Variants in PRSS36 observed in about 807,000 individuals in gnomAD.
The protein encoded by PRSS36 is serine protease 36.
A neutral mutation model predicts 94.3 loss-of-function variants in PRSS36; 90 were observed. The observed-to-expected ratio is 0.95, with a 90% confidence interval of 0.80 to 1.14. The LOEUF is 1.14. PRSS36 is among the 50% of genes most tolerant of loss of function. PRSS36 has a pLI of 0.00. For missense variants in PRSS36, 1,158 were observed against 1,135.0 expected, an observed-to-expected ratio of 1.02 and a Z score of -0.29; for synonymous variants, 500 against 489.6, an observed-to-expected ratio of 1.02 and a Z score of -0.28.
chr16:31,140,818 A>C lies in PRSS36; in HGVS notation c.1902-61T>G, dbSNP rs528413511. 3.8e-6 allele frequency: 6 copies of C among 1,572,014 alleles called. No individual in the cohort carries two copies. The South Asian group carries it at 5.7e-5, about 15-fold the overall frequency. ...TCCCATTGCTGGCAAAGTCCTTCCC[A>C]GCCCAGGGGAAGGATGACTCTCTGG... On this transcript the variant is annotated intron_variant, in intron 12 of 14. Coordinates refer to ENST00000268281, the MANE Select transcript of PRSS36 (RefSeq NM_173502.5).
chr16:31,147,115 C>T (rs566724683), intron 5 of PRSS36, among the ~76,000 whole-genome samples: 2 of 152,144 alleles, frequency 1.3e-5, no homozygotes, highest in South Asian at 4.1e-4. Flanking sequence ...GTGCTCTGGC[C>T]CTCAGTCTGA....
chr16:31,146,158 C>T (rs773594849), intron 5 of PRSS36, among the ~76,000 whole-genome samples: 21 of 152,246 alleles, frequency 1.4e-4, no homozygotes, highest in Non-Finnish European at 2.8e-4. Flanking sequence ...CATCAAGCTC[C>T]TAGTGAGAGC....
At chr16:31,148,839 G>T (rs896878378) in intron 4 of PRSS36, 164 bp from the exon 5 acceptor site, 23 of 1,008,550 alleles carry the variant, frequency 2.3e-5, no homozygotes, top group Non-Finnish European at 3.0e-5. Context: ...AGCTGGTGGT[G>T]GGGGGGTCAT....
chr16:31,146,968 G>A (rs1272599547), intron 5 of PRSS36, among the ~76,000 whole-genome samples: 3 of 152,096 alleles, frequency 2.0e-5, no homozygotes, highest in Non-Finnish European at 2.9e-5. Context: ...GGCAACAAGA[G>A]TGAAACTCTG....
chr16:31,148,510 G>A lies in PRSS36; in HGVS notation c.438C>T (p.Ala146=). The part of the protein sequence containing the change: ...LGADLALLRL[A]SPASLGPAVW... ...CGGCGGGGCCCAGGCTGGCGGGTGA[G>A]GCCAGGCGCAGCAGGGCCAGGTCGG... Residue 146 remains alanine, a synonymous_variant, in exon 5 of 15, where the codon GCC becomes GCT. Coordinates refer to ENST00000268281, the MANE Select transcript of PRSS36 (RefSeq NM_173502.5). 1 of 1,582,636 alleles carries A rather than the reference G, an allele frequency of 6.3e-7. No homozygotes were observed. The highest frequency in any genetic ancestry group is 8.6e-7 in the Non-Finnish European group (1 of 1,169,182).
intron 7 of PRSS36, 48 bp from the exon 8 acceptor site, chr16:31,143,519 C>T: frequency 6.2e-7 from 1 of 1,606,916 alleles, no homozygotes; most frequent in African/African-American, 1.3e-5. Context: ...AACCCAATCA[C>T]TCCCAGCAGT....
chr16:31,148,774 C>T (rs1182634058), intron 4 of PRSS36, 99 bp from the exon 5 acceptor site: 1 of 1,496,602 alleles, frequency 6.7e-7, no homozygotes, highest in Non-Finnish European at 9.1e-7. Context: ...CAGGTGCTAT[C>T]CGATCCAGAT....
intron 14 of PRSS36, 126 bp downstream of exon 14, chr16:31,140,168 G>A (rs1215112087): frequency 2.0e-6 from 2 of 1,016,048 alleles, no homozygotes; most frequent in Non-Finnish European, 2.7e-6. Flanking sequence ...TCCAGCTGGG[G>A]GACAGAGTGA....
chr16:31,148,806 G>A (rs2057844871), intron 4 of PRSS36, 131 bp from the exon 5 acceptor site: 2 of 1,280,186 alleles, frequency 1.6e-6, no homozygotes, highest in Non-Finnish European at 2.2e-6. Context: ...ACTCCTCAAA[G>A]GGGAAGAGCA....
At chr16:31,142,374 C>G in intron 10 of PRSS36, 107 bp downstream of exon 10, 7 of 1,273,006 alleles carry the variant, frequency 5.5e-6, no homozygotes, top group Non-Finnish European at 2.1e-6. Context: ...CTTCCGCAGG[C>G]CCCGCCCTCT....
chr16:31,145,180 TAACCTGGTGA>T (rs2057777729), intron 6 of PRSS36, among the ~76,000 whole-genome samples: 1 of 151,494 alleles, frequency 6.6e-6, no homozygotes. Flanking sequence ...CAATCCTGGC[TAACCTGGTGA>T]AATCCCGTGT....
At position 31,139,250 on chromosome 16, in the gene PRSS36, G is replaced by A; in HGVS notation, c.2456C>T (p.Pro819Leu). 1 of 1,614,104 alleles carries A rather than the reference G, an allele frequency of 6.2e-7. No homozygotes were observed. The highest frequency in any genetic ancestry group is 8.5e-7 in the Non-Finnish European group (1 of 1,179,964). The change falls in exon 15 of 15, where the codon CCA becomes CTA. Residue 819 changes from proline (P) to leucine (L), a missense_variant. By Grantham distance (98) the Pro-to-Leu change is moderately conservative (BLOSUM62 -3). Transcript: ENST00000268281. ...EANFLPPSGS[P>L]HWPTGGSNLC... Reference sequence around the variant, plus strand: ...ATTGCTGCCTCCAGTGGGCCAGTGTGGGGAGCCACTGGGGGGCAGGAAGTT... The same window carrying A: ...ATTGCTGCCTCCAGTGGGCCAGTGTAGGGAGCCACTGGGGGGCAGGAAGTT...
At chr16:31,141,442 C>A in intron 12 of PRSS36, 27 bp downstream of exon 12, 1 of 1,580,704 alleles carries the variant, frequency 6.3e-7, no homozygotes, top group Non-Finnish European at 8.6e-7. Context: ...CCTCCCGTCT[C>A]TCGCCTAGGA....
intron 6 of PRSS36, among the ~76,000 whole-genome samples, chr16:31,144,764 T>A (rs2057771637): frequency 6.6e-6 from 1 of 151,978 alleles, no homozygotes; most frequent in Non-Finnish European, 1.5e-5. Context: ...CACTCCAGCC[T>A]GGGCAACAAG....
rs780131688 is a variant in PRSS36 at position 31,140,454 on chromosome 16, T to C, written c.2167+38A>G. ...ACAAAGTTGTTCCAGGGCTCTGGCCTCCAGCTACTCCTCGTTCCCGTGACC... is the reference window on the plus strand; with the variant it reads ...ACAAAGTTGTTCCAGGGCTCTGGCCCCCAGCTACTCCTCGTTCCCGTGACC... On this transcript the variant is annotated intron_variant, in intron 13 of 14. Transcript: ENST00000268281. 3 of 1,604,458 alleles carry C rather than the reference T, an allele frequency of 1.9e-6. 1 individual carries two copies. In the South Asian group the frequency reaches 3.4e-5, roughly 18 times the overall value.
At chr16:31,139,454 CT>C in intron 14 of PRSS36, 38 bp from the exon 15 acceptor site, 1 of 1,590,294 alleles carries the variant, frequency 6.3e-7, no homozygotes, top group Non-Finnish European at 8.6e-7. Context: ...GTCTGCTGCC[CT>C]TCCTCTTGGT....
chr16:31,149,643 C>T (rs896418628), intron 2 of PRSS36, 53 bp downstream of exon 2: 39 of 1,612,654 alleles, frequency 2.4e-5, no homozygotes. Context: ...CATGCCAGTC[C>T]TCTGGTCTTT....
chr16:31,142,588 A>C lies in PRSS36; in HGVS notation c.1414T>G (p.Cys472Gly), dbSNP rs1377916332. The change falls in exon 10 of 15, where the codon TGC becomes GGC. Residue 472 changes from cysteine to glycine, a missense_variant. Cys to Gly is a radical substitution (Grantham distance 159, BLOSUM62 -3). Transcript: ENST00000268281. ...CCCTGGCGGCCGTACAGGCAGTGGC[A>C]CCACCAGCCGCCTAACAGCTCCGCC... ...LEAELLGGWW[C>G]HCLYGRQGAA... 1 of 1,520,774 alleles carries C rather than the reference A, an allele frequency of 6.6e-7. No individual in the cohort carries two copies. The highest frequency in any genetic ancestry group is 8.8e-7 in the Non-Finnish European group (1 of 1,138,692). The allele number at this position is 1,520,774 out of a possible 1,614,324, so 94.2% of individuals were successfully genotyped here. A position where few individuals can be genotyped will look rare whatever the true frequency, so the allele number is the denominator to read the frequency against.
Position 31,139,297 on chromosome 16 carries a change from G to A in PRSS36, c.2409C>T (p.Ile803=). 6.2e-7 allele frequency: 1 copy of A among 1,614,166 alleles called. No individual in the cohort carries two copies. The highest frequency in any genetic ancestry group is 8.5e-7 in the Non-Finnish European group (1 of 1,180,010). The part of the protein sequence containing the change: ...FAAIGPEEAW[I]SQTVGEANFL... Reference sequence around the variant, plus strand: ...AGTTGGCCTCTCCCACTGTCTGGGAGATCCAGGCCTCTTCAGGACCAATGG... The same window carrying A: ...AGTTGGCCTCTCCCACTGTCTGGGAAATCCAGGCCTCTTCAGGACCAATGG... The change falls in exon 15 of 15, where the codon ATC becomes ATT. Residue 803 remains isoleucine, a synonymous_variant. Coordinates refer to ENST00000268281, the MANE Select transcript of PRSS36 (RefSeq NM_173502.5).
Sources: gnomAD v4.1 joint callset for allele counts (sites outside exome capture counted in the v4.1 genomes callset) on GRCh38, gnomAD v4.1.1 for gene constraint, MANE v1.5 for transcripts, NCBI Gene and HGNC (gene_info 2026-07-23, HGNC 2026-07-21) for gene names.